The following TAFA1 variants were observed in gnomAD, a reference collection of about 807,000 sequenced individuals.
The protein encoded by TAFA1 is chemokine-like protein TAFA-1.
Under a neutral mutation model 18.5 loss-of-function variants are expected in TAFA1, and 4 were observed. The ratio of observed to expected loss-of-function variants is 0.22; its 90% CI spans 0.11 to 0.49. The LOEUF is 0.49. Ranked by LOEUF, TAFA1 falls within the 20% of genes least tolerant of loss-of-function variation. TAFA1 has a pLI of 0.98. For missense variants in TAFA1, 147 were observed against 169.0 expected, an observed-to-expected ratio of 0.87 and a Z score of 0.72; for synonymous variants, 56 against 55.2, an observed-to-expected ratio of 1.01 and a Z score of -0.06.
chr3:68,147,039 G>GTA (rs71112618), intron 2 of TAFA1, among the ~76,000 whole-genome samples: 6,463 of 148,194 alleles, frequency 0.044, 167 homozygotes, highest in Middle Eastern at 0.089. Context: ...GTGTGTGTGT[G>GTA]TATATATATA....
chr3:68,507,954 G>A (rs1019775649), intron 3 of TAFA1, among the ~76,000 whole-genome samples: 1 of 152,230 alleles, frequency 6.6e-6, no homozygotes, highest in Non-Finnish European at 1.5e-5. Flanking sequence ...CTAAACACGT[G>A]TATTTGCCAG....
intron 2 of TAFA1, among the ~76,000 whole-genome samples, chr3:68,067,809 G>C: frequency 6.6e-6 from 1 of 150,792 alleles, no homozygotes; most frequent in Non-Finnish European, 1.5e-5. Flanking sequence ...CCTATTCTTT[G>C]CTCAATCTAA....
chr3:68,340,696 G>C (rs7613895), intron 2 of TAFA1, among the ~76,000 whole-genome samples: 63,875 of 152,036 alleles, frequency 0.42, 13,946 homozygotes, highest in South Asian at 0.6. Flanking sequence ...GGGATTTCCA[G>C]GAGTAAGTAC....
intron 2 of TAFA1, among the ~76,000 whole-genome samples, chr3:68,272,535 A>G (rs1049550243): frequency 6.6e-6 from 1 of 152,198 alleles, no homozygotes; most frequent in East Asian, 1.9e-4. Flanking sequence ...TAATGATTCA[A>G]TGCAAATTAG....
At chr3:68,252,340 C>T (rs1575709891) in intron 2 of TAFA1, among the ~76,000 whole-genome samples, 1 of 152,082 alleles carries the variant, frequency 6.6e-6, no homozygotes, top group African/African-American at 2.4e-5. Flanking sequence ...TTTCATTTCT[C>T]CTCATTCTCT....
At chr3:68,343,417 G>T (rs1209465098) in intron 2 of TAFA1, among the ~76,000 whole-genome samples, 4 of 152,112 alleles carry the variant, frequency 2.6e-5, no homozygotes, top group Admixed American at 2.6e-4. Context: ...TGGTCTCTGT[G>T]CTTTGAAATT....
intron 2 of TAFA1, among the ~76,000 whole-genome samples, chr3:68,199,492 A>G (rs2066448808): frequency 6.6e-6 from 1 of 151,526 alleles, no homozygotes; most frequent in African/African-American, 2.4e-5. Flanking sequence ...TTTTCCATGA[A>G]TATGGAATTT....
intron 2 of TAFA1, among the ~76,000 whole-genome samples, chr3:68,123,224 G>A (rs2065422041): frequency 6.6e-6 from 1 of 152,100 alleles, no homozygotes; most frequent in Non-Finnish European, 1.5e-5. Flanking sequence ...GAAAGTAGAG[G>A]CACTCACCAG....
chr3:68,106,406 A>T (rs2065205447), intron 2 of TAFA1, among the ~76,000 whole-genome samples: 1 of 152,136 alleles, frequency 6.6e-6, no homozygotes, highest in African/African-American at 2.4e-5. Flanking sequence ...ATAATTGAGG[A>T]ACTAAAGTTT....
chr3:68,499,861 CTTT>C (rs57102825), intron 3 of TAFA1, among the ~76,000 whole-genome samples: 47 of 137,462 alleles, frequency 3.4e-4, no homozygotes, highest in South Asian at 6.9e-4. Context: ...TTTTCTTTTC[CTTT>C]TTTTTTTTTT....
chr3:68,159,907 C>A (rs561103155), intron 2 of TAFA1, among the ~76,000 whole-genome samples: 7 of 152,298 alleles, frequency 4.6e-5, no homozygotes, highest in African/African-American at 2.4e-5. Flanking sequence ...TCGAAGCAGT[C>A]TTCTTAAGGG....
At chr3:68,080,045 T>A (rs2064876923) in intron 2 of TAFA1, among the ~76,000 whole-genome samples, 1 of 152,150 alleles carries the variant, frequency 6.6e-6, no homozygotes, top group African/African-American at 2.4e-5. Flanking sequence ...TCTTGTTGAA[T>A]TGATCCCTTT....
rs2072147716 is a variant in TAFA1, at chr3:68,478,485, A to G, written c.260-60271A>G. Among the ~76,000 whole-genome samples the G allele has an allele frequency of 2.0e-5, 3 of 152,236 alleles. 1 individual carries two copies. The South Asian group carries it at 6.2e-4, about 31-fold the overall frequency. ...CTGCAAAATATGGGATCATGTCTCA[A>G]TGAATATTTATTCACCTTCCATAAG... On this transcript the variant is annotated intron_variant, in intron 3 of 4. Transcript: ENST00000478136.
intron 2 of TAFA1, among the ~76,000 whole-genome samples, chr3:68,076,007 C>T (rs1482449882): frequency 6.6e-6 from 1 of 152,174 alleles, no homozygotes; most frequent in Non-Finnish European, 1.5e-5. Context: ...GATCCACTAT[C>T]TTTCATAGGA....
chr3:68,457,429 T>A (rs892496557), intron 3 of TAFA1, among the ~76,000 whole-genome samples: 5 of 152,200 alleles, frequency 3.3e-5, no homozygotes, highest in Non-Finnish European at 5.9e-5. Context: ...GCTACGTAGT[T>A]CATCTGCTAG....
chr3:68,098,249 G>A (rs1452826326), intron 2 of TAFA1, among the ~76,000 whole-genome samples: 1 of 149,976 alleles, frequency 6.7e-6, no homozygotes, highest in Non-Finnish European at 1.5e-5. Context: ...ATATTTTAAG[G>A]TGTGACTGTT....
chr3:68,494,824 C>T (rs2072516788), intron 3 of TAFA1, among the ~76,000 whole-genome samples: 2 of 152,174 alleles, frequency 1.3e-5, no homozygotes, highest in Admixed American at 1.3e-4. Context: ...TTAGATAAAA[C>T]ATACAATGCA....
chr3:68,234,593 G>C (rs1315250530), intron 2 of TAFA1, among the ~76,000 whole-genome samples: 2 of 152,158 alleles, frequency 1.3e-5, no homozygotes, highest in Non-Finnish European at 2.9e-5. Flanking sequence ...ATTGGTTTCT[G>C]AGTCATTCCC....
intron 2 of TAFA1, among the ~76,000 whole-genome samples, chr3:68,079,855 TC>T (rs2064873961): frequency 6.6e-6 from 1 of 152,178 alleles, no homozygotes; most frequent in Non-Finnish European, 1.5e-5. Context: ...TGAGTTCAAT[TC>T]CTGGGTATCC....
Sources: gnomAD v4.1 joint callset for allele counts (sites outside exome capture counted in the v4.1 genomes callset) on GRCh38, gnomAD v4.1.1 for gene constraint, MANE v1.5 for transcripts, NCBI Gene and HGNC (gene_info 2026-07-23, HGNC 2026-07-21) for gene names.